LAMB2: variants seen among roughly 807,000 people sequenced by gnomAD.
The protein encoded by LAMB2 is laminin subunit beta-2.
A neutral mutation model predicts 202.7 loss-of-function variants in LAMB2; 119 were observed. That is an observed-to-expected ratio of 0.59 (90% CI 0.51 to 0.68). LAMB2 has a LOEUF of 0.68. Ranked by LOEUF, LAMB2 falls within the 30% of genes least tolerant of loss-of-function variation. LAMB2 has a pLI of 0.00. For missense variants in LAMB2, 2,124 were observed against 2,410.6 expected, an observed-to-expected ratio of 0.88 and a Z score of 2.49; for synonymous variants, 818 against 902.2, an observed-to-expected ratio of 0.91 and a Z score of 1.67.
Position 49,124,070 on chromosome 3 carries a change from G to A in LAMB2, c.3455C>T (p.Thr1152Ile). 6.2e-7 allele frequency: 1 copy of A among 1,613,954 alleles called. No homozygotes were observed. The highest frequency in any genetic ancestry group is 1.6e-4 in the Middle Eastern group (1 of 6,062). ...ACDCDSRGIDTPQCHRFTGHC... is the reference protein window; with the variant it reads ...ACDCDSRGIDIPQCHRFTGHC... ...ACCTGTGAAGCGGTGACACTGAGGT[G>A]TATCTATTCCACGAGAGTCACAATC... is the stretch of plus-strand genomic sequence containing the variant. The change falls in exon 24 of 32, where the codon ACA (threonine) becomes ATA (isoleucine). Residue 1152 changes from threonine (T) to isoleucine (I), a missense_variant. Thr to Ile is a moderately conservative substitution (Grantham distance 89, BLOSUM62 -1). This residue lies in a region of LAMB2 where 1,702 missense variants were observed against 1,896.3 expected (regional missense o/e 0.90). Coordinates refer to ENST00000305544, the MANE Select transcript of LAMB2 (RefSeq NM_002292.4).
rs373373330 is a variant in LAMB2 at position 49,121,371 on chromosome 3, G to A, written c.5261-9C>T. On this transcript the variant is annotated splice_polypyrimidine_tract_variant and intron_variant, in intron 31 of 31. Transcript: ENST00000305544. ...ATAGGTGCCTTCCAATTCTAGGAAG[G>A]GCAGGTGTCAGTTTAGGGGGGGTTT... The A allele has an allele frequency of 3.7e-6, 6 of 1,613,926 alleles. No individual in the cohort carries two copies. The highest frequency in any genetic ancestry group is 2.7e-5 in the African/African-American group (2 of 74,880).
At position 49,130,776 on chromosome 3, in the gene LAMB2, G is replaced by C. The variant is rs187004232; in HGVS notation, c.1000C>G (p.Arg334Gly). 6.2e-7 allele frequency: 1 copy of C among 1,614,120 alleles called. No homozygotes were observed. The highest frequency in any genetic ancestry group is 8.5e-7 in the Non-Finnish European group (1 of 1,180,018). Residue 334 changes from arginine to glycine, a missense_variant, in exon 8 of 32, where the codon CGT becomes GGT. This residue lies in a region of LAMB2 where 256 missense variants were observed against 356.1 expected (regional missense o/e 0.72). Coordinates refer to ENST00000305544, the MANE Select transcript of LAMB2 (RefSeq NM_002292.4). The surrounding 1 kb of genome is among the most constrained non-coding windows in gnomAD (Gnocchi z 5.0). ...CQDFYRDLPW[R>G]PAEDGHSHAC... ...TGACTATGGCCGTCCTCAGCCGGAC[G>C]CCAGGGCAGGTCACGATAGAAATCC...
Position 49,125,357 on chromosome 3 carries a change from A to G in LAMB2, c.2616T>C (p.Pro872=). Residue 872 remains proline (P), a synonymous_variant, in exon 19 of 32, where the codon CCT becomes CCC. Coordinates refer to ENST00000305544, the MANE Select transcript of LAMB2 (RefSeq NM_002292.4). ...CATTGCAGACACATGGCCGGCAGCT[A>G]GGGAATCCCCACTGGCCACGCTGGC... ...DRCQRGQWGF[P]SCRPCVCNGH... is the part of the protein sequence containing the mutation. 6.2e-7 allele frequency: 1 copy of G among 1,614,070 alleles called. No individual in the cohort carries two copies. Among genetic ancestry groups the G allele is most frequent in the Non-Finnish European group, 8.5e-7 (1 of 1,180,040 alleles).
intron 16 of LAMB2, 56 bp downstream of exon 16, chr3:49,126,309 T>A: frequency 4.3e-6 from 7 of 1,613,274 alleles, no homozygotes; most frequent in Non-Finnish European, 5.9e-6. Context: ...ATCCCTCAAG[T>A]CCCACACCAC....
chr3:49,125,684 GGA>G, intron 18 of LAMB2, 61 bp downstream of exon 18: 2 of 1,590,582 alleles, frequency 1.3e-6, no homozygotes, highest in East Asian at 2.2e-5. Context: ...TCCAGAAGGA[GGA>G]GAGAGAACAG....
intron 15 of LAMB2, among the ~76,000 whole-genome samples, chr3:49,127,691 T>A (rs774889288): frequency 1.1e-4 from 16 of 146,556 alleles, no homozygotes; most frequent in Non-Finnish European, 1.3e-4. Context: ...CAAGACTCCA[T>A]CTCAAAAACA....
chr3:49,123,649 G>T lies in LAMB2; in HGVS notation c.3798-18C>A, dbSNP rs377738420. 11 of 1,613,882 alleles carry T rather than the reference G, an allele frequency of 6.8e-6. No homozygotes were observed. The African/African-American group carries it at 1.2e-4, about 18-fold the overall frequency. ...TTTCACGCCTGCAATGATGGAGAGG[G>T]GGGTGTTTAGAGAGGCTTCAGCCCT... On this transcript the variant is annotated intron_variant, in intron 24 of 31. Coordinates refer to ENST00000305544, the MANE Select transcript of LAMB2 (RefSeq NM_002292.4).
Position 49,125,488 on chromosome 3 carries a change from G to C in LAMB2, c.2489-4C>G. 6.3e-7 allele frequency: 1 copy of C among 1,583,988 alleles called. No individual in the cohort carries two copies. Among genetic ancestry groups the C allele is most frequent in the Non-Finnish European group, 8.6e-7 (1 of 1,164,958 alleles). On this transcript the variant is annotated splice_region_variant and splice_polypyrimidine_tract_variant and intron_variant, in intron 18 of 31. Coordinates refer to ENST00000305544, the MANE Select transcript of LAMB2 (RefSeq NM_002292.4). ...CCCTCGTGGCTGCACTGGCAGGCTA[G>C]GAGCAAGGCAGAGCTGAGCCAGAGC...
chr3:49,131,437 G>A lies in LAMB2; in HGVS notation c.654C>T (p.Ile218=). ...EIEPSTEGEV[I]YRVLDPAIPI... The stretch of plus-strand genomic sequence containing the variant: ...GGATGGCAGGGTCCAGCACACGATA[G>A]ATGACCTGGAGAAGCAGGGAGTTCA... Residue 218 remains isoleucine (I), a synonymous_variant, in exon 6 of 32, where the codon ATC becomes ATT. Transcript: ENST00000305544. This position sits in a 1 kb window ranked among gnomAD's most constrained non-coding sequence, Gnocchi z 5.0. 6.2e-7 allele frequency: 1 copy of A among 1,614,136 alleles called. No homozygotes were observed. The highest frequency in any genetic ancestry group is 1.3e-5 in the African/African-American group (1 of 75,036).
chr3:49,130,926 TC>T lies in LAMB2; in HGVS notation c.915+23del. 1 of 1,614,124 alleles carries T rather than the reference TC, an allele frequency of 6.2e-7. No individual in the cohort carries two copies. The highest frequency in any genetic ancestry group is 8.5e-7 in the Non-Finnish European group (1 of 1,180,030). Reference sequence around the variant, plus strand: ...ATGTCCGCCCCTGCCCCTAGCCCTATCCCAACCGTCTGAAGCCCCTTACCAT... The same window carrying T: ...ATGTCCGCCCCTGCCCCTAGCCCTATCCAACCGTCTGAAGCCCCTTACCAT... On this transcript the variant is annotated intron_variant, in intron 7 of 31. Transcript: ENST00000305544. The surrounding 1 kb of genome is among the most constrained non-coding windows in gnomAD (Gnocchi z 5.0).
In LAMB2 at chr3:49,125,144, G is replaced by T. The variant is rs1277610938; in HGVS notation, c.2746C>A (p.Pro916Thr). The change falls in exon 20 of 32, where the codon CCA becomes ACA. Residue 916 changes from proline (P) to threonine (T), a missense_variant. This residue lies in a region of LAMB2 where 1,702 missense variants were observed against 1,896.3 expected (regional missense o/e 0.90). Transcript: ENST00000305544. ...ERCIAGFHGD[P>T]RLPYGGQCRP... Reference sequence around the variant, plus strand: ...CACTGGCCCCCATATGGCAGCCGTGGGTCCCCGTGGAAACCAGCAATGCAC... The same window carrying T: ...CACTGGCCCCCATATGGCAGCCGTGTGTCCCCGTGGAAACCAGCAATGCAC... The T allele has an allele frequency of 6.2e-7, 1 of 1,613,476 alleles. No individual in the cohort carries two copies. The highest frequency in any genetic ancestry group is 8.5e-7 in the Non-Finnish European group (1 of 1,179,940).
Position 49,124,797 on chromosome 3 carries a change from C to T in LAMB2, c.3013G>A (p.Gly1005Arg), listed in dbSNP as rs373146572. 3 of 1,614,094 alleles carry T rather than the reference C, an allele frequency of 1.9e-6. No individual in the cohort carries two copies. In the African/African-American group the frequency reaches 4.0e-5, roughly 22 times the overall value. ...TGGTGTAAACAGCGCAGGCATTGCC[C>T]CGTGTGGGGGTCACAGGCATCAGGA... ...MDPDACDPHT[G>R]QCLRCLHHTE... The change falls in exon 21 of 32, where the codon GGG becomes AGG. Residue 1005 changes from glycine to arginine, a missense_variant. By Grantham distance (125) the Gly-to-Arg change is moderately radical (BLOSUM62 -2). This residue lies in a region of LAMB2 where 1,702 missense variants were observed against 1,896.3 expected (regional missense o/e 0.90). Transcript: ENST00000305544.
At position 49,121,528 on chromosome 3, in the gene LAMB2, T is replaced by C; in HGVS notation, c.5165A>G (p.Gln1722Arg). ...CCTTGCCTGTGCAGCCAGCACACCTTGGGCCTTGCGCTCAGCTAGGGCCTT... is the reference window on the plus strand; with the variant it reads ...CCTTGCCTGTGCAGCCAGCACACCTCGGGCCTTGCGCTCAGCTAGGGCCTT... Reference protein sequence around the residue: ...TVKALAERKAQGVLAAQARAE... With the variant: ...TVKALAERKARGVLAAQARAE... Residue 1722 changes from glutamine (Q) to arginine (R), a missense_variant, in exon 31 of 32, where the codon CAA becomes CGA. Gln to Arg is a conservative substitution (Grantham distance 43). Around this residue, in one of 3 missense-constraint regions of LAMB2, gnomAD observed 1,702 missense variants for 1,896.3 expected, o/e 0.90. Coordinates refer to ENST00000305544, the MANE Select transcript of LAMB2 (RefSeq NM_002292.4). 1 of 1,614,064 alleles carries C rather than the reference T, an allele frequency of 6.2e-7. No homozygotes were observed.
At position 49,128,537 on chromosome 3, in the gene LAMB2, GCCCTGGAC is replaced by G. The variant is rs765173215; in HGVS notation, c.1931_1938del (p.Arg644ProfsTer16). The G allele has an allele frequency of 6.8e-6, 11 of 1,614,106 alleles. No individual in the cohort carries two copies. The South Asian group carries it at 1.2e-4, about 18-fold the overall frequency. ...CCACACAGGCTGTGGGCAGGCACAG[GCCCTGGAC>G]GCTGCACAATCAGTTCCAACTCTGC... On this transcript the variant is annotated frameshift_variant, in exon 15 of 32. Transcript: ENST00000305544. LOFTEE classifies it high-confidence loss of function.
intron 15 of LAMB2, 121 bp downstream of exon 15, chr3:49,128,337 G>C: frequency 4.6e-6 from 6 of 1,290,522 alleles, no homozygotes; most frequent in Non-Finnish European, 6.4e-6. Context: ...CCAGCATTCT[G>C]GAGGTATTTG....
chr3:49,132,748 A>G lies in LAMB2; in HGVS notation c.76+44T>C, dbSNP rs1258752236. ...GCCCCAAGGGCAACTACCAGGACCTACCATCACATTCCACAACCCCCAGCC... is the reference window on the plus strand; with the variant it reads ...GCCCCAAGGGCAACTACCAGGACCTGCCATCACATTCCACAACCCCCAGCC... On this transcript the variant is annotated intron_variant, in intron 1 of 31. Coordinates refer to ENST00000305544, the MANE Select transcript of LAMB2 (RefSeq NM_002292.4). The surrounding 1 kb of genome is among the most constrained non-coding windows in gnomAD (Gnocchi z 4.6). 1.9e-6 allele frequency: 3 copies of G among 1,613,414 alleles called. No homozygotes were observed. In the Admixed American group the frequency reaches 5.0e-5, roughly 27 times the overall value.
intron 15 of LAMB2, among the ~76,000 whole-genome samples, chr3:49,127,101 TCAGCCTCCCAAG>T (rs2045424004): frequency 6.6e-6 from 1 of 152,172 alleles, no homozygotes; most frequent in African/African-American, 2.4e-5. Flanking sequence ...TCCTCCCACC[TCAGCCTCCCAAG>T]CAGCTGGAAC....
rs755381659 is a variant in LAMB2, at chr3:49,124,282, G to A, written c.3332C>T (p.Thr1111Ile). ...RARGPTCNEF[T>I]GQCHCRAGFG... ...GCCGGCACGGCAGTGGCACTGCCCT[G>A]TGAACTGGGGTGGGAACAAGGCAGG... The change falls in exon 23 of 32, where the codon ACA becomes ATA. Residue 1111 changes from threonine to isoleucine, a missense_variant. Around this residue, in one of 3 missense-constraint regions of LAMB2, gnomAD observed 1,702 missense variants for 1,896.3 expected, o/e 0.90. Coordinates refer to ENST00000305544, the MANE Select transcript of LAMB2 (RefSeq NM_002292.4). 26 of 1,613,912 alleles carry A rather than the reference G, an allele frequency of 1.6e-5. No homozygotes were observed. The highest frequency in any genetic ancestry group is 2.2e-5 in the Non-Finnish European group (26 of 1,180,044).
chr3:49,125,417 A>G lies in LAMB2; in HGVS notation c.2556T>C (p.Cys852=). ...LCEKTSGQCL[C]RTGAFGLRCD... ...AGCGAAGCCCAAAGGCACCAGTTCG[A>G]CAGAGACATTGCCCACTGGTCTTTT... Residue 852 remains cysteine (C), a synonymous_variant, in exon 19 of 32, where the codon TGT becomes TGC. Transcript: ENST00000305544. 6.2e-7 allele frequency: 1 copy of G among 1,613,902 alleles called. No individual in the cohort carries two copies. Among genetic ancestry groups the G allele is most frequent in the Non-Finnish European group, 8.5e-7 (1 of 1,180,006 alleles).
Sources: gnomAD v4.1 joint callset for allele counts (sites outside exome capture counted in the v4.1 genomes callset) on GRCh38, gnomAD v4.1.1 for gene constraint, gnomAD v4.1.1 regional missense constraint, Gnocchi (gnomAD v3.1) non-coding constraint, MANE v1.5 for transcripts, NCBI Gene and HGNC (gene_info 2026-07-23, HGNC 2026-07-21) for gene names.